The following PRKCB variants were observed in gnomAD, a reference collection of about 807,000 sequenced individuals.
The protein encoded by PRKCB is protein kinase C beta type.
Under a neutral mutation model 81.5 loss-of-function variants are expected in PRKCB, and 13 were observed. The ratio of observed to expected loss-of-function variants is 0.16; its 90% CI spans 0.10 to 0.25. The LOEUF (loss-of-function observed/expected upper bound fraction) is 0.25. Among genes scored for constraint, PRKCB ranks in the 10% least tolerant of loss-of-function variants. The pLI is 1.00. For missense variants in PRKCB, 509 were observed against 875.7 expected, an observed-to-expected ratio of 0.58 and a Z score of 5.29; for synonymous variants, 335 against 321.4, an observed-to-expected ratio of 1.04 and a Z score of -0.45.
intron 2 of PRKCB, among the ~76,000 whole-genome samples, chr16:23,858,170 T>A (rs1188030450): frequency 6.6e-6 from 1 of 152,226 alleles, no homozygotes; most frequent in African/African-American, 2.4e-5. Flanking sequence ...ACAAACTTTA[T>A]CCCTTTGAAT....
chr16:24,177,128 A>G (rs73548569), intron 12 of PRKCB, among the ~76,000 whole-genome samples: 1,654 of 152,302 alleles, frequency 0.011, 22 homozygotes, highest in African/African-American at 0.038. Flanking sequence ...CTACAAGTTT[A>G]TTGGAAGAAA....
chr16:24,021,038 T>TTCTTTCTTTCTC (rs1965365927), intron 3 of PRKCB, among the ~76,000 whole-genome samples: 1 of 82,174 alleles, frequency 1.2e-5, no homozygotes, highest in African/African-American at 4.0e-5. Flanking sequence ...CTTTCTTTCT[T>TTCTTTCTTTCTC]TCTCTTTCTT....
intron 2 of PRKCB, among the ~76,000 whole-genome samples, chr16:23,929,241 G>T (rs954717965): frequency 4.6e-5 from 7 of 152,130 alleles, no homozygotes. Context: ...ATACGAGGAG[G>T]ACTTTGATGC....
chr16:23,969,505 A>G (rs1964529413), intron 2 of PRKCB, among the ~76,000 whole-genome samples: 1 of 152,206 alleles, frequency 6.6e-6, no homozygotes, highest in South Asian at 2.1e-4. Context: ...CAAGTTACTT[A>G]ACTTTTCATG....
At chr16:23,932,729 C>T (rs1176284188) in intron 2 of PRKCB, among the ~76,000 whole-genome samples, 1 of 152,200 alleles carries the variant, frequency 6.6e-6, no homozygotes, top group East Asian at 1.9e-4. Flanking sequence ...AAGCAGTTGC[C>T]TTGGTTCCTG....
intron 9 of PRKCB, among the ~76,000 whole-genome samples, chr16:24,137,591 ACT>A (rs1022370093): frequency 1.3e-5 from 2 of 151,844 alleles, no homozygotes; most frequent in Non-Finnish European, 2.9e-5. Context: ...TAACATGGAA[ACT>A]CTGTCTCAGG....
At position 23,865,463 on chromosome 16, in the gene PRKCB, C is replaced by A. The variant is rs1326928165; in HGVS notation, c.205+28057C>A. The stretch of plus-strand genomic sequence containing the variant: ...AACTACAGGCATGTACAACAATGCC[C>A]GGCATATATATATATATATATATAT... On this transcript the variant is annotated intron_variant, in intron 2 of 16. Coordinates refer to ENST00000643927, the MANE Select transcript of PRKCB (RefSeq NM_002738.7). Among the ~76,000 whole-genome samples, 19 of 54,312 alleles carry A rather than the reference C, an allele frequency of 3.5e-4. No homozygotes were observed. In the East Asian group the frequency reaches 9.4e-3, roughly 27 times the overall value. The allele number at this position is 54,312 out of a possible 152,430, so 35.6% of individuals were successfully genotyped here. A position where few individuals can be genotyped will look rare whatever the true frequency, so the allele number is the denominator to read the frequency against.
At chr16:24,184,895 A>C (rs571025528) in intron 13 of PRKCB, among the ~76,000 whole-genome samples, 1 of 152,338 alleles carries the variant, frequency 6.6e-6, no homozygotes, top group African/African-American at 2.4e-5. Context: ...TAATAACAAT[A>C]CACCTTACTT....
At position 24,219,865 on chromosome 16, in the gene PRKCB, C is replaced by G. The variant is rs1046355693; in HGVS notation, c.*5049C>G. 1 of 1,492,508 alleles carries G rather than the reference C, an allele frequency of 6.7e-7. No homozygotes were observed. The highest frequency in any genetic ancestry group is 2.3e-5 in the Admixed American group (1 of 44,176). The allele number at this position is 1,492,508 out of a possible 1,614,324, so 92.5% of individuals were successfully genotyped here. On this transcript the variant is annotated 3_prime_UTR_variant, in exon 17 of 17. Coordinates refer to ENST00000643927, the MANE Select transcript of PRKCB (RefSeq NM_002738.7). ...CAGCACAGGGCTCTTTCTGACTCTG[C>G]TCATGAGATGGTATCAGCCACCCAA... is the stretch of plus-strand genomic sequence containing the variant.
intron 9 of PRKCB, chr16:24,151,671 G>A: frequency 5.0e-6 from 2 of 403,142 alleles, no homozygotes; most frequent in Admixed American, 2.6e-5. Flanking sequence ...GTCATAGACA[G>A]TGGGAGTCGA....
intron 2 of PRKCB, among the ~76,000 whole-genome samples, chr16:23,839,758 G>A (rs1313927300): frequency 6.6e-6 from 1 of 152,128 alleles, no homozygotes; most frequent in Admixed American, 6.5e-5. Flanking sequence ...TCTATAAAAC[G>A]GAGTCAGTAA....
intron 11 of PRKCB, 190 bp from the exon 12 acceptor site, chr16:24,174,328 A>G: frequency 1.8e-6 from 1 of 559,056 alleles, no homozygotes; most frequent in East Asian, 2.9e-5. Flanking sequence ...TCCTTAAGGC[A>G]ACCCCATCAC....
At chr16:23,950,132 ATTTTTT>A (rs34117735) in intron 2 of PRKCB, among the ~76,000 whole-genome samples, 42 of 97,774 alleles carry the variant, frequency 4.3e-4, no homozygotes, top group African/African-American at 1.0e-3. Flanking sequence ...TATGATTTGA[ATTTTTT>A]TTTTTTTTTT....
At chr16:23,956,089 A>G (rs990703334) in intron 2 of PRKCB, among the ~76,000 whole-genome samples, 3 of 152,204 alleles carry the variant, frequency 2.0e-5, no homozygotes, top group Non-Finnish European at 4.4e-5. Context: ...TTTATTACGA[A>G]TAAACAAAAA....
At chr16:23,966,791 C>G (rs1449784106) in intron 2 of PRKCB, among the ~76,000 whole-genome samples, 2 of 152,152 alleles carry the variant, frequency 1.3e-5, no homozygotes, top group Non-Finnish European at 2.9e-5. Context: ...GTGTGCCAAG[C>G]CCTGTTCTGC....
At chr16:24,201,758 G>A (rs574216648) in intron 16 of PRKCB, among the ~76,000 whole-genome samples, 4 of 152,332 alleles carry the variant, frequency 2.6e-5, no homozygotes, top group African/African-American at 4.8e-5. Flanking sequence ...TGTCATGGCC[G>A]GGTGTGGTGG....
Position 24,185,121 on chromosome 16 carries a change from A to C in PRKCB, c.1544A>C (p.Tyr515Ser). The C allele has an allele frequency of 6.2e-7, 1 of 1,614,114 alleles. No individual in the cohort carries two copies. The highest frequency in any genetic ancestry group is 8.5e-7 in the Non-Finnish European group (1 of 1,179,954). The change falls in exon 14 of 17, where the codon TAT becomes TCT. Residue 515 changes from tyrosine (Y) to serine (S), a missense_variant. This residue lies in a region of PRKCB where 106 missense variants were observed against 214.0 expected (regional missense o/e 0.50). Transcript: ENST00000643927. ...PDYIAPEIIA[Y>S]QPYGKSVDWW... The stretch of plus-strand genomic sequence containing the variant: ...CCTTCTCTTTTCTAGATAATTGCTT[A>C]TCAGCCCTATGGGAAGTCCGTGGAT...
intron 2 of PRKCB, among the ~76,000 whole-genome samples, chr16:23,864,217 A>C (rs1178233752): frequency 1.3e-5 from 2 of 152,234 alleles, no homozygotes; most frequent in African/African-American, 4.8e-5. Context: ...ATCTCTGCTC[A>C]GTGAGCTCTC....
chr16:23,876,064 T>C (rs887110091), intron 2 of PRKCB, among the ~76,000 whole-genome samples: 2 of 152,146 alleles, frequency 1.3e-5, no homozygotes, highest in African/African-American at 4.8e-5. Flanking sequence ...AGAGGTCCCT[T>C]TAAGGTTGAC....
Sources: allele counts gnomAD v4.1 joint callset (sites outside exome capture counted in the v4.1 genomes callset), GRCh38; gene constraint gnomAD v4.1.1; regional missense constraint gnomAD v4.1.1; transcripts MANE v1.5; gene names NCBI Gene and HGNC (gene_info 2026-07-23, HGNC 2026-07-21).